The following HIPK2 variants were observed in gnomAD, a reference collection of about 807,000 sequenced individuals.
The protein encoded by HIPK2 is homeodomain interacting protein kinase 2, also known as homeodomain-interacting protein kinase 2.
Under a neutral mutation model 113.7 loss-of-function variants are expected in HIPK2, and 27 were observed. That is an observed-to-expected ratio of 0.24 (90% CI 0.17 to 0.33). The LOEUF is 0.33. HIPK2 is among the 10% of genes least tolerant of loss of function. The probability of loss-of-function intolerance (pLI) is 1.00; values close to 1 mark genes in which losing one functional copy is unlikely to be tolerated. For missense variants in HIPK2, 1,257 were observed against 1,588.0 expected, an observed-to-expected ratio of 0.79 and a Z score of 3.54; for synonymous variants, 631 against 642.2, an observed-to-expected ratio of 0.98 and a Z score of 0.26.
At chr7:139,661,008 T>TA (rs928610964) in intron 2 of HIPK2, among the ~76,000 whole-genome samples, 1 of 150,956 alleles carries the variant, frequency 6.6e-6, no homozygotes, top group Admixed American at 6.6e-5. Context: ...GACACCTTTT[T>TA]ATTATGGATA....
intron 1 of HIPK2, among the ~76,000 whole-genome samples, chr7:139,763,062 C>T (rs919247843): frequency 2.0e-5 from 3 of 152,108 alleles, no homozygotes; most frequent in Non-Finnish European, 4.4e-5. Flanking sequence ...GAAGGGAAGA[C>T]TGTTGTGTGG....
Position 139,703,387 on chromosome 7 carries a change from C to T in HIPK2, c.1103+12545G>A, listed in dbSNP as rs1339991185. Among the ~76,000 whole-genome samples, 8 of 152,042 alleles carry T rather than the reference C, an allele frequency of 5.3e-5. No homozygotes were observed. The South Asian group carries it at 8.3e-4, about 16-fold the overall frequency. ...CAGATCTATTTATATTCTGGGGGTT[C>T]GTACTTAGTGCATTTTATTTGCCAA... On this transcript the variant is annotated intron_variant, in intron 2 of 14. Coordinates refer to ENST00000406875, the MANE Select transcript of HIPK2 (RefSeq NM_022740.5).
chr7:139,638,179 T>C (rs923425343), intron 2 of HIPK2, among the ~76,000 whole-genome samples: 3 of 152,202 alleles, frequency 2.0e-5, no homozygotes, highest in Admixed American at 1.3e-4. Context: ...CGAAATCACA[T>C]GCTCTTCCAT....
intron 2 of HIPK2, among the ~76,000 whole-genome samples, chr7:139,633,116 A>AAAAG (rs1312921188): frequency 2.5e-4 from 28 of 113,236 alleles, no homozygotes; most frequent in Non-Finnish European, 2.5e-4. Flanking sequence ...AAAAAAAAAA[A>AAAAG]AAAGAAAGAA....
At chr7:139,608,657 C>T (rs79203700) in intron 9 of HIPK2, among the ~76,000 whole-genome samples, 2,617 of 152,096 alleles carry the variant, frequency 0.017, 80 homozygotes, top group African/African-American at 0.06. Context: ...TGATAATACA[C>T]AAAAATAATG....
rs80278682 is a variant in HIPK2, at chr7:139,603,616, A to T, written c.2255+465T>A. Among the ~76,000 whole-genome samples the T allele has an allele frequency of 5.7e-3, 873 of 152,274 alleles. 9 individuals carry two copies. Among genetic ancestry groups the T allele is most frequent in the African/African-American group, 0.02 (818 of 41,534 alleles). ...CAAATAAACCCCATTCTGTCAAGCC[A>T]TCCCGTGGGAGGTCAGATAGACTCC... On this transcript the variant is annotated intron_variant, in intron 10 of 14. Transcript: ENST00000406875.
chr7:139,692,721 A>T (rs1038874002), intron 2 of HIPK2, among the ~76,000 whole-genome samples: 5 of 152,212 alleles, frequency 3.3e-5, no homozygotes, highest in Non-Finnish European at 7.4e-5. Context: ...ATCAGAAAAA[A>T]AAACAGTTAT....
chr7:139,572,661 C>A lies in HIPK2; in HGVS notation c.*266G>T. 2.7e-6 allele frequency: 1 copy of A among 364,964 alleles called. No individual in the cohort carries two copies. The highest frequency in any genetic ancestry group is 4.9e-6 in the Non-Finnish European group (1 of 205,360). 22.6% of individuals were successfully genotyped at this position (364,964 alleles called of 1,614,324 possible). A position where few individuals can be genotyped will look rare whatever the true frequency, so the allele number is the denominator to read the frequency against. On this transcript the variant is annotated 3_prime_UTR_variant, in exon 15 of 15. Transcript: ENST00000406875. ...AAATAAAAACCATAGATTTCCCACC[C>A]TCTTTAATCCCTTCCTTTTAAAAAT...
At chr7:139,659,368 T>G (rs1395751831) in intron 2 of HIPK2, among the ~76,000 whole-genome samples, 2 of 152,246 alleles carry the variant, frequency 1.3e-5, no homozygotes, top group Non-Finnish European at 2.9e-5. Context: ...AACATCCGAT[T>G]CTTTCTGCAC....
chr7:139,664,567 T>C (rs1801980449), intron 2 of HIPK2, among the ~76,000 whole-genome samples: 1 of 151,514 alleles, frequency 6.6e-6, no homozygotes, highest in Non-Finnish European at 1.5e-5. Flanking sequence ...ATTTTTCTCC[T>C]GCAAACCCTT....
At chr7:139,732,100 A>C (rs1795805484) in intron 1 of HIPK2, among the ~76,000 whole-genome samples, 1 of 152,268 alleles carries the variant, frequency 6.6e-6, no homozygotes, top group Non-Finnish European at 1.5e-5. Context: ...GGAGCACACT[A>C]AGAATAATAA....
At chr7:139,764,427 G>A (rs1033036688) in intron 1 of HIPK2, among the ~76,000 whole-genome samples, 24 of 152,192 alleles carry the variant, frequency 1.6e-4, no homozygotes, top group East Asian at 5.8e-4. Context: ...ATACAATTTG[G>A]TGATGGGTTA....
At chr7:139,616,897 A>G (rs1800067934) in intron 7 of HIPK2, among the ~76,000 whole-genome samples, 1 of 152,100 alleles carries the variant, frequency 6.6e-6, no homozygotes, top group African/African-American at 2.4e-5. Context: ...TGATTAAACT[A>G]TTTTTGCTTA....
At chr7:139,741,752 T>C (rs1318184860) in intron 1 of HIPK2, among the ~76,000 whole-genome samples, 3 of 152,252 alleles carry the variant, frequency 2.0e-5, no homozygotes, top group African/African-American at 7.2e-5. Flanking sequence ...TCTCAGTCAC[T>C]ATTCAATAAA....
chr7:139,650,866 G>C (rs963721135), intron 2 of HIPK2, among the ~76,000 whole-genome samples: 3 of 152,186 alleles, frequency 2.0e-5, no homozygotes, highest in African/African-American at 7.2e-5. Flanking sequence ...ACACCCTCCA[G>C]CCCCAGTCAC....
Position 139,569,131 on chromosome 7 carries a change from C to G in HIPK2, c.*3796G>C, listed in dbSNP as rs886459239. 27 of 152,458 alleles carry G rather than the reference C, an allele frequency of 1.8e-4. No individual in the cohort carries two copies. Among genetic ancestry groups the G allele is most frequent in the African/African-American group, 6.5e-4 (27 of 41,438 alleles). The allele number at this position is 152,458 out of a possible 1,614,324, so 9.4% of individuals were successfully genotyped here. On this transcript the variant is annotated 3_prime_UTR_variant, in exon 15 of 15. Coordinates refer to ENST00000406875, the MANE Select transcript of HIPK2 (RefSeq NM_022740.5). ...CCGCCCAGCTTTGTTCAGGGTTTCTCTGGCCTCCTGCTGTCCCTCCACCCA... is the reference window on the plus strand; with the variant it reads ...CCGCCCAGCTTTGTTCAGGGTTTCTGTGGCCTCCTGCTGTCCCTCCACCCA...
intron 13 of HIPK2, among the ~76,000 whole-genome samples, chr7:139,575,605 G>A (rs924628309): frequency 8.5e-5 from 13 of 152,236 alleles, no homozygotes; most frequent in African/African-American, 2.9e-4. Flanking sequence ...TCCTCTGGGA[G>A]GTGTTACTTT....
chr7:139,692,500 T>C (rs1794435933), intron 2 of HIPK2, among the ~76,000 whole-genome samples: 1 of 152,194 alleles, frequency 6.6e-6, no homozygotes, highest in Admixed American at 6.5e-5. Flanking sequence ...ACAGGTTCTT[T>C]TCCTGTGTAC....
rs1798168808 is a variant in HIPK2, at chr7:139,568,739, A to G, written c.*4188T>C. 1 of 152,228 alleles carries G rather than the reference A, an allele frequency of 6.6e-6. No homozygotes were observed. The highest frequency in any genetic ancestry group is 1.5e-5 in the Non-Finnish European group (1 of 68,064). 9.4% of individuals were successfully genotyped at this position (152,228 alleles called of 1,614,324 possible). On this transcript the variant is annotated 3_prime_UTR_variant, in exon 15 of 15. Transcript: ENST00000406875. ...GCAGCCTATTTGCTAAGGTGACTCA[A>G]TGGCAGATTCGGCCAGGTATGCAAT...
Sources: gnomAD v4.1 joint callset for allele counts (sites outside exome capture counted in the v4.1 genomes callset) on GRCh38, gnomAD v4.1.1 for gene constraint, MANE v1.5 for transcripts, NCBI Gene and HGNC (gene_info 2026-07-23, HGNC 2026-07-21) for gene names.